RBL1: variants seen among roughly 807,000 people sequenced by gnomAD.
RBL1 encodes the protein retinoblastoma-like protein 1.
In RBL1, 82 loss-of-function variants were observed where a neutral mutation model predicts 123.0. The observed-to-expected ratio is 0.67, with a 90% CI of 0.56 to 0.80. The LOEUF (loss-of-function observed/expected upper bound fraction) is 0.80, where lower values mean the gene tolerates loss of function less well. RBL1 is among the 30% of genes least tolerant of loss of function. The probability of loss-of-function intolerance (pLI) is 0.00; values close to 1 mark genes in which losing one functional copy is unlikely to be tolerated. For missense variants in RBL1, 1,171 were observed against 1,299.6 expected, an observed-to-expected ratio of 0.90 and a Z score of 1.52; for synonymous variants, 405 against 441.3, an observed-to-expected ratio of 0.92 and a Z score of 1.03.
intron 20 of RBL1, among the ~76,000 whole-genome samples, chr20:37,006,678 A>C (rs536881831): frequency 6.7e-6 from 1 of 149,802 alleles, no homozygotes; most frequent in East Asian, 2.0e-4. Flanking sequence ...GTCTCTACTA[A>C]AGATACAAAA....
chr20:37,012,621 C>T (rs1176908377), intron 19 of RBL1, among the ~76,000 whole-genome samples: 118 of 133,068 alleles, frequency 8.9e-4, no homozygotes, highest in East Asian at 3.3e-3. Flanking sequence ...GGAGCCCCTC[C>T]GCCCAGCAGC....
chr20:37,011,893 C>T (rs1292933439), intron 19 of RBL1, among the ~76,000 whole-genome samples: 5 of 151,836 alleles, frequency 3.3e-5, no homozygotes, highest in Admixed American at 2.0e-4. Context: ...GTCTCCCTCT[C>T]CCTCTCTTTC....
chr20:37,014,527 G>A (rs376641628), intron 19 of RBL1, among the ~76,000 whole-genome samples: 23 of 152,070 alleles, frequency 1.5e-4, no homozygotes, highest in African/African-American at 4.3e-4. Context: ...GGCAGTGTGC[G>A]GTGACTCACG....
At chr20:37,004,291 A>T (rs2064035037) in intron 20 of RBL1, among the ~76,000 whole-genome samples, 1 of 150,094 alleles carries the variant, frequency 6.7e-6, no homozygotes, top group Non-Finnish European at 1.5e-5. Context: ...CATGTTGGCC[A>T]GGCTGGTCTC....
chr20:37,032,603 G>C, intron 16 of RBL1, 62 bp downstream of exon 16: 1 of 1,588,998 alleles, frequency 6.3e-7, no homozygotes, highest in South Asian at 1.2e-5. Context: ...GTCTGTCTCT[G>C]TTACTCAATC....
At chr20:37,023,903 G>A (rs1260025045) in intron 16 of RBL1, among the ~76,000 whole-genome samples, 2 of 148,550 alleles carry the variant, frequency 1.3e-5, no homozygotes, top group African/African-American at 5.0e-5. Context: ...TCAGCCTCCC[G>A]AGTAGCTGGG....
Position 37,035,277 on chromosome 20 carries a change from C to T in RBL1, c.2135G>A (p.Gly712Glu). The change falls in exon 15 of 22, where the codon GGA (glycine) becomes GAA (glutamate). Residue 712 changes from glycine (G) to glutamate (E), a missense_variant. Gly to Glu is a moderately conservative substitution (Grantham distance 98, BLOSUM62 -2). Transcript: ENST00000373664. ...AATTGTAACTTTATGTCCTGTTGTT[C>T]CTGTTACTGGGGCTGTGGCCATTGT... ...LLTMATAPVT[G>E]TTGHKVTIPL... The T allele has an allele frequency of 6.2e-7, 1 of 1,613,800 alleles. No homozygotes were observed. The highest frequency in any genetic ancestry group is 8.5e-7 in the Non-Finnish European group (1 of 1,179,802).
At chr20:37,063,908 A>T (rs2065136295) in intron 7 of RBL1, among the ~76,000 whole-genome samples, 1 of 149,602 alleles carries the variant, frequency 6.7e-6, no homozygotes, top group Non-Finnish European at 1.5e-5. Flanking sequence ...CTGCAACCTC[A>T]ACCTCCCAGA....
intron 7 of RBL1, among the ~76,000 whole-genome samples, chr20:37,063,925 T>A (rs2065136561): frequency 6.6e-6 from 1 of 151,218 alleles, no homozygotes. Context: ...CAGATTCAAA[T>A]GATCCTCCCA....
In RBL1 at chr20:37,058,144, A is replaced by AC. The variant is rs1403508654; in HGVS notation, c.1251-1887_1251-1886insG. ...AAAAAAAAAAACAAAACAAAACAAA[A>AC]AAAAAAAAGCCTATTCCAGGGTTCA... On this transcript the variant is annotated intron_variant, in intron 9 of 21. Coordinates refer to ENST00000373664, the MANE Select transcript of RBL1 (RefSeq NM_002895.5). Among the ~76,000 whole-genome samples the AC allele has an allele frequency of 1.4e-4, 17 of 125,158 alleles. 1 individual carries two copies. In the East Asian group the frequency reaches 2.6e-3, roughly 19 times the overall value. 82.1% of individuals were successfully genotyped at this position (125,158 alleles called of 152,430 possible). A position where few individuals can be genotyped will look rare whatever the true frequency, so the allele number is the denominator to read the frequency against.
chr20:37,020,800 TTATA>T, intron 17 of RBL1, 70 bp from the exon 18 acceptor site: 1 of 1,074,440 alleles, frequency 9.3e-7, no homozygotes, highest in East Asian at 2.6e-5. Context: ...AAAACTTCAA[TTATA>T]AGTTGGCACT....
intron 2 of RBL1, among the ~76,000 whole-genome samples, chr20:37,083,465 T>C (rs1442772978): frequency 6.9e-6 from 1 of 144,688 alleles, no homozygotes; most frequent in Non-Finnish European, 1.5e-5. Flanking sequence ...TGAGACCCTG[T>C]CTCAAAAAAC....
rs113915149 is a variant in RBL1, at chr20:37,007,677, T to A, written c.2723-118A>T. ...GTGCAATCTTGGCTCACTGCAGCCC[T>A]GACCTCCTGGATTCAAGTGATCCTC... is the stretch of plus-strand genomic sequence containing the variant. On this transcript the variant is annotated intron_variant, in intron 19 of 21. Coordinates refer to ENST00000373664, the MANE Select transcript of RBL1 (RefSeq NM_002895.5). 1,293 of 963,084 alleles carry A rather than the reference T, an allele frequency of 1.3e-3. 13 individuals carry two copies. The African/African-American group carries it at 0.02, about 15-fold the overall frequency. The allele number at this position is 963,084 out of a possible 1,614,324, so 59.7% of individuals were successfully genotyped here.
intron 15 of RBL1, among the ~76,000 whole-genome samples, chr20:37,034,640 G>A (rs2146251291): frequency 6.6e-6 from 1 of 152,098 alleles, no homozygotes; most frequent in Non-Finnish European, 1.5e-5. Context: ...ATGAGATCAT[G>A]CTGCTGTACT....
At chr20:37,048,876 G>A (rs2064856699) in intron 11 of RBL1, among the ~76,000 whole-genome samples, 1 of 145,382 alleles carries the variant, frequency 6.9e-6, no homozygotes, top group African/African-American at 2.6e-5. Flanking sequence ...ACTAGCCTGA[G>A]CAACATAGCG....
Position 37,065,367 on chromosome 20 carries a change from A to G in RBL1, c.896+57T>C, listed in dbSNP as rs2065161528. 3.8e-6 allele frequency: 5 copies of G among 1,319,746 alleles called. No homozygotes were observed. The South Asian group carries it at 7.1e-5, about 19-fold the overall frequency. 81.8% of individuals were successfully genotyped at this position (1,319,746 alleles called of 1,614,324 possible). On this transcript the variant is annotated intron_variant, in intron 7 of 21. Transcript: ENST00000373664. ...CTGTTATGCTTAACAAATTTCAACA[A>G]ATCAACAAATATGACAGCTTGTGAT...
At chr20:37,050,970 T>C (rs979409678) in intron 11 of RBL1, among the ~76,000 whole-genome samples, 3 of 152,134 alleles carry the variant, frequency 2.0e-5, no homozygotes, top group Non-Finnish European at 2.9e-5. Context: ...TTCAAACTCA[T>C]AAAGGAAAAT....
chr20:37,014,732 C>T (rs1600464200), intron 19 of RBL1, among the ~76,000 whole-genome samples: 1 of 151,744 alleles, frequency 6.6e-6, no homozygotes, highest in East Asian at 1.9e-4. Context: ...CCACTGTACT[C>T]CAGCCTGGGT....
At chr20:37,094,681 G>C (rs1022574801) in intron 1 of RBL1, among the ~76,000 whole-genome samples, 1 of 152,204 alleles carries the variant, frequency 6.6e-6, no homozygotes, top group Non-Finnish European at 1.5e-5. Context: ...CTGTCACCCA[G>C]GCTGGAGTGC....
Sources: gnomAD v4.1 joint callset for allele counts (sites outside exome capture counted in the v4.1 genomes callset) on GRCh38, gnomAD v4.1.1 for gene constraint, MANE v1.5 for transcripts, NCBI Gene and HGNC (gene_info 2026-07-23, HGNC 2026-07-21) for gene names.